Variants in UGGT1 observed in about 807,000 individuals in gnomAD.
UGGT1 encodes the protein UDP-glucose:glycoprotein glucosyltransferase 1.
UGGT1 carries 107 observed loss-of-function variants against 203.9 expected under a neutral mutation model. The ratio of observed to expected loss-of-function variants is 0.52; its 90% CI spans 0.45 to 0.62. The LOEUF is 0.62. UGGT1 is among the 20% of genes least tolerant of loss of function. The pLI is 0.00. For synonymous variants in UGGT1, 628 were observed against 653.5 expected, an observed-to-expected ratio of 0.96 and a Z score of 0.59; for missense variants, 1,673 against 1,867.2, an observed-to-expected ratio of 0.90 and a Z score of 1.92.
At chr2:128,127,478 GAA>G (rs968379302) in intron 12 of UGGT1, 26 bp downstream of exon 12, 2 of 1,567,206 alleles carry the variant, frequency 1.3e-6, no homozygotes, top group African/African-American at 2.7e-5. Flanking sequence ...TTCATTCTCT[GAA>G]AAGTTTTTGT....
At chr2:128,169,403 ATATC>A (rs35669863) in intron 26 of UGGT1, among the ~76,000 whole-genome samples, 64,209 of 151,672 alleles carry the variant, frequency 0.42, 13,730 homozygotes, top group South Asian at 0.57. Flanking sequence ...AACAGGCAAA[ATATC>A]TATCTATAAC....
At chr2:128,114,994 A>G (rs1362465380) in intron 6 of UGGT1, 130 bp from the exon 7 acceptor site, 8 of 784,348 alleles carry the variant, frequency 1.0e-5, no homozygotes, top group Non-Finnish European at 1.4e-5. Flanking sequence ...TTAAAAAACA[A>G]TTTAAAGATA....
In UGGT1 at chr2:128,173,864, TCCA is replaced by T; in HGVS notation, c.3380_3382del (p.Pro1127del). 1 of 1,614,202 alleles carries T rather than the reference TCCA, an allele frequency of 6.2e-7. No individual in the cohort carries two copies. The highest frequency in any genetic ancestry group is 8.5e-7 in the Non-Finnish European group (1 of 1,180,032). ...GCTACGACATCACCACAGGCCAGCCTCCACGGGGACTACAGTTTACCTTAGGAA... is the reference window on the plus strand; with the variant it reads ...GCTACGACATCACCACAGGCCAGCCTCGGGGACTACAGTTTACCTTAGGAA... On this transcript the variant is annotated inframe_deletion, in exon 30 of 41. Transcript: ENST00000259253.
In UGGT1 at chr2:128,159,663, G is replaced by C; in HGVS notation, c.2505G>C (p.Lys835Asn). The change falls in exon 23 of 41, where the codon AAG (lysine) becomes AAC (asparagine). Residue 835 changes from lysine (K) to asparagine (N), a missense_variant. By Grantham distance (94) the Lys-to-Asn change is moderately conservative (BLOSUM62 0). This residue lies in a region of UGGT1 where 1,073 missense variants were observed against 1,078.7 expected (regional missense o/e 0.99). Coordinates refer to ENST00000259253, the MANE Select transcript of UGGT1 (RefSeq NM_020120.4). Reference protein sequence around the residue: ...AAKNFITKMAKEGAAEALAAG... With the variant: ...AAKNFITKMANEGAAEALAAG... ...AGAACTTCATCACCAAAATGGCCAA[G>C]GAGGGGGCTGCAGAGGCCCTGGCTG... The C allele has an allele frequency of 6.2e-7, 1 of 1,614,156 alleles. No individual in the cohort carries two copies. Among genetic ancestry groups the C allele is most frequent in the African/African-American group, 1.3e-5 (1 of 75,044 alleles).
At chr2:128,185,999 C>T (rs1691961128) in intron 38 of UGGT1, among the ~76,000 whole-genome samples, 1 of 152,134 alleles carries the variant, frequency 6.6e-6, no homozygotes, top group Admixed American at 6.5e-5. Context: ...AAGGTAGATT[C>T]AGAACTTCCT....
chr2:128,098,247 G>T (rs891634892), intron 2 of UGGT1, among the ~76,000 whole-genome samples: 5 of 152,220 alleles, frequency 3.3e-5, no homozygotes, highest in Admixed American at 6.5e-5. Flanking sequence ...AGCAACGTGG[G>T]GGAAAGAGGA....
At chr2:128,185,193 T>TTC (rs1319984163) in intron 38 of UGGT1, among the ~76,000 whole-genome samples, 3 of 150,706 alleles carry the variant, frequency 2.0e-5, no homozygotes, top group Non-Finnish European at 3.0e-5. Context: ...CAGTATTTGT[T>TTC]TCTCTCTTTT....
chr2:128,110,930 T>C (rs1027255543), intron 5 of UGGT1, among the ~76,000 whole-genome samples: 36 of 152,338 alleles, frequency 2.4e-4, no homozygotes, highest in Middle Eastern at 6.8e-3. Context: ...GTCTTTACTT[T>C]CTGCTGAGTT....
intron 22 of UGGT1, among the ~76,000 whole-genome samples, chr2:128,158,799 A>G (rs923535030): frequency 1.3e-5 from 2 of 152,066 alleles, no homozygotes; most frequent in Non-Finnish European, 2.9e-5. Context: ...CCAGGGAGAG[A>G]TTGAATTGTA....
intron 2 of UGGT1, chr2:128,103,063 A>G (rs748981974): frequency 1.9e-5 from 9 of 470,938 alleles, no homozygotes; most frequent in South Asian, 1.2e-4. Flanking sequence ...TATTTTTCCC[A>G]TATTTCTGTG....
intron 3 of UGGT1, among the ~76,000 whole-genome samples, chr2:128,107,028 C>T (rs981583137): frequency 8.5e-5 from 13 of 152,058 alleles, no homozygotes; most frequent in African/African-American, 2.7e-4. Context: ...TATGTGATTC[C>T]GAAGTCAAAG....
chr2:128,102,587 G>A (rs1687429998), intron 2 of UGGT1, among the ~76,000 whole-genome samples: 1 of 152,166 alleles, frequency 6.6e-6, no homozygotes, highest in Non-Finnish European at 1.5e-5. Context: ...GGTTGTTTCA[G>A]TGGATCTAGT....
Position 128,178,577 on chromosome 2 carries a change from T to G in UGGT1, c.3815+8T>G. 1 of 1,590,828 alleles carries G rather than the reference T, an allele frequency of 6.3e-7. No individual in the cohort carries two copies. Reference sequence around the variant, plus strand: ...CTACGAAAGATTTCTTCGGTCAGTCTTGTTGATTATTTCATTATATATGAT... The same window carrying G: ...CTACGAAAGATTTCTTCGGTCAGTCGTGTTGATTATTTCATTATATATGAT... On this transcript the variant is annotated splice_region_variant and intron_variant, in intron 34 of 40. Transcript: ENST00000259253.
At chr2:128,189,359 AAACATC>A (rs1407921942) in intron 40 of UGGT1, among the ~76,000 whole-genome samples, 17 of 151,052 alleles carry the variant, frequency 1.1e-4, no homozygotes, top group African/African-American at 3.2e-4. Context: ...AAAACAGTTT[AAACATC>A]CAAGAATGAG....
intron 16 of UGGT1, among the ~76,000 whole-genome samples, chr2:128,142,709 G>T (rs1046578747): frequency 1.3e-4 from 20 of 151,840 alleles, no homozygotes; most frequent in Non-Finnish European, 2.9e-5. Flanking sequence ...TTGGCCAGGC[G>T]CAGTGGCTCA....
intron 13 of UGGT1, 68 bp from the exon 14 acceptor site, chr2:128,133,073 T>G: frequency 9.6e-6 from 15 of 1,556,770 alleles, no homozygotes; most frequent in Non-Finnish European, 1.2e-5. Flanking sequence ...AAAGTCTTAT[T>G]GATATTATTG....
intron 16 of UGGT1, 43 bp downstream of exon 16, chr2:128,138,895 ACTTACT>A (rs1689273448): frequency 1.2e-6 from 2 of 1,610,192 alleles, no homozygotes; most frequent in Non-Finnish European, 1.7e-6. Flanking sequence ...TTCAGATCTA[ACTTACT>A]CTTAATAACA....
At chr2:128,175,551 T>C (rs534992059) in intron 31 of UGGT1, among the ~76,000 whole-genome samples, 2 of 152,212 alleles carry the variant, frequency 1.3e-5, no homozygotes, top group Non-Finnish European at 2.9e-5. Context: ...CTTAATTAGC[T>C]CCGTAGCGAC....
chr2:128,094,938 G>A (rs1687043187), intron 1 of UGGT1, among the ~76,000 whole-genome samples: 5 of 151,718 alleles, frequency 3.3e-5, no homozygotes, highest in South Asian at 2.1e-4. Context: ...TAGTAGAGAC[G>A]GGGTTTCACC....
Sources: gnomAD v4.1 joint callset for allele counts (sites outside exome capture counted in the v4.1 genomes callset) on GRCh38, gnomAD v4.1.1 for gene constraint, gnomAD v4.1.1 regional missense constraint, MANE v1.5 for transcripts, NCBI Gene and HGNC (gene_info 2026-07-23, HGNC 2026-07-21) for gene names.